Variants in RNF17 observed in about 807,000 individuals in gnomAD.
The protein encoded by RNF17 is ring finger protein 17, also known as spermatogenesis associated 23.
In RNF17, 31 loss-of-function variants were observed where a neutral mutation model predicts 200.5. The observed-to-expected ratio is 0.15, with a 90% CI of 0.12 to 0.21. RNF17 has a LOEUF of 0.21. RNF17 is among the 10% of genes least tolerant of loss of function. The pLI is 1.00. For synonymous variants in RNF17, 606 were observed against 637.8 expected, an observed-to-expected ratio of 0.95 and a Z score of 0.75; for missense variants, 1,628 against 1,905.1, an observed-to-expected ratio of 0.85 and a Z score of 2.71.
At chr13:24,826,156 T>C (rs1001858483) in intron 16 of RNF17, 1 of 913,596 alleles carries the variant, frequency 1.1e-6, no homozygotes, top group East Asian at 1.2e-4. Context: ...TTTTAATATA[T>C]TCTTCTTTCC....
At chr13:24,854,418 C>T (rs1325929028) in intron 25 of RNF17, among the ~76,000 whole-genome samples, 1 of 151,792 alleles carries the variant, frequency 6.6e-6, no homozygotes, top group Non-Finnish European at 1.5e-5. Context: ...TCCATTTCCA[C>T]TACTATGGCA....
In RNF17 at chr13:24,877,113, C is replaced by T. The variant is rs1274467403; in HGVS notation, c.4700C>T (p.Pro1567Leu). The part of the protein sequence containing the change: ...DLGETRIPYC[P>L]KWSMEALWAM... ...GGGGAGACAAGAATACCATATTGTC[C>T]CAAATGGAGCATGGAGGCACTGTGG... The change falls in exon 34 of 36, where the codon CCC (proline) becomes CTC (leucine). Residue 1567 changes from proline to leucine, a missense_variant. By Grantham distance (98) the Pro-to-Leu change is moderately conservative. This residue lies in a region of RNF17 where 609 missense variants were observed against 681.9 expected (regional missense o/e 0.89). Coordinates refer to ENST00000255324, the MANE Select transcript of RNF17 (RefSeq NM_031277.3). 5.6e-6 allele frequency: 9 copies of T among 1,613,130 alleles called. No homozygotes were observed. Among genetic ancestry groups the T allele is most frequent in the Non-Finnish European group, 7.6e-6 (9 of 1,179,560 alleles).
At chr13:24,814,636 C>T (rs1449555754) in intron 15 of RNF17, among the ~76,000 whole-genome samples, 2 of 152,186 alleles carry the variant, frequency 1.3e-5, no homozygotes, top group Non-Finnish European at 2.9e-5. Flanking sequence ...TCTTTTCCCC[C>T]ATTGAATGGT....
intron 2 of RNF17, among the ~76,000 whole-genome samples, chr13:24,773,770 A>G (rs75225511): frequency 0.019 from 2,928 of 152,254 alleles, 53 homozygotes; most frequent in Non-Finnish European, 0.027. Flanking sequence ...TAGAGGACAT[A>G]CTTCAGCTTT....
the RNF17 span, among the ~76,000 whole-genome samples, chr13:24,757,611 A>G: frequency 6.6e-6 from 1 of 152,234 alleles, no homozygotes; most frequent in African/African-American, 2.4e-5. Flanking sequence ...GGCATGAGCC[A>G]CTGTGCCTGG....
chr13:24,839,028 G>A (rs144462018), intron 18 of RNF17, among the ~76,000 whole-genome samples: 3,067 of 152,092 alleles, frequency 0.02, 106 homozygotes, highest in African/African-American at 0.07. Flanking sequence ...TACACCAACA[G>A]CGACCAAGTG....
intron 30 of RNF17, among the ~76,000 whole-genome samples, chr13:24,866,906 T>A (rs1179707376): frequency 6.6e-6 from 1 of 152,184 alleles, no homozygotes; most frequent in Non-Finnish European, 1.5e-5. Context: ...AAGGACCCCA[T>A]TTTTTCCATC....
At position 24,781,671 on chromosome 13, in the gene RNF17, A is replaced by T. The variant is rs114444578; in HGVS notation, c.511-173A>T. Among the ~76,000 whole-genome samples, 801 of 152,238 alleles carry T rather than the reference A, an allele frequency of 5.3e-3. 5 individuals are homozygous for T. The highest frequency in any genetic ancestry group is 0.018 in the African/African-American group (738 of 41,546). ...ACAAAAAGATATGGTCTTGCTCACA[A>T]ATAGTAAAACTTAATGTTGAACCTT... On this transcript the variant is annotated intron_variant, in intron 5 of 35. Coordinates refer to ENST00000255324, the MANE Select transcript of RNF17 (RefSeq NM_031277.3).
At chr13:24,844,119 T>C in intron 20 of RNF17, 148 bp downstream of exon 20, 2 of 346,670 alleles carry the variant, frequency 5.8e-6, no homozygotes, top group Non-Finnish European at 1.0e-5. Context: ...AGTATGAAAA[T>C]AGGAAATCTG....
chr13:24,885,521 G>A, the RNF17 span: 1 of 1,228,202 alleles, frequency 8.1e-7, no homozygotes, highest in Admixed American at 1.7e-5. Context: ...TTTTACACGT[G>A]GTTTAGAAAC....
intron 15 of RNF17, among the ~76,000 whole-genome samples, chr13:24,804,724 T>G (rs928663152): frequency 6.6e-6 from 1 of 152,142 alleles, no homozygotes; most frequent in Non-Finnish European, 1.5e-5. Flanking sequence ...TAAAATAAAT[T>G]TTTTTCTAAC....
chr13:24,831,214 G>T (rs935894497), intron 17 of RNF17, among the ~76,000 whole-genome samples: 2 of 152,122 alleles, frequency 1.3e-5, no homozygotes, highest in East Asian at 3.8e-4. Flanking sequence ...GCCGAGGCGG[G>T]GGGATCATGA....
intron 16 of RNF17, among the ~76,000 whole-genome samples, chr13:24,826,964 G>A (rs1888718109): frequency 6.6e-6 from 1 of 152,082 alleles, no homozygotes. Context: ...GGAGGCTGAG[G>A]CAGGAGAATC....
chr13:24,860,409 C>T (rs906046120), intron 26 of RNF17, among the ~76,000 whole-genome samples: 6 of 151,906 alleles, frequency 3.9e-5, no homozygotes, highest in African/African-American at 1.5e-4. Flanking sequence ...TTTTAGTATA[C>T]ACAATGGATT....
chr13:24,838,267 G>A (rs1890223263), intron 18 of RNF17, among the ~76,000 whole-genome samples: 2 of 152,078 alleles, frequency 1.3e-5, no homozygotes, highest in South Asian at 4.1e-4. Flanking sequence ...TCGAAGAATT[G>A]GTACTAATCC....
At chr13:24,887,073 G>A in the RNF17 span, among the ~76,000 whole-genome samples, 12 of 152,056 alleles carry the variant, frequency 7.9e-5, no homozygotes, top group African/African-American at 2.9e-4. Context: ...ACACAGTGCT[G>A]GAATAGCTGG....
At position 24,854,060 on chromosome 13, in the gene RNF17, G is replaced by A. The variant is rs534296900; in HGVS notation, c.3526G>A (p.Ala1176Thr). The A allele has an allele frequency of 3.1e-6, 5 of 1,613,970 alleles. No homozygotes were observed. In the South Asian group the frequency reaches 4.4e-5, roughly 14 times the overall value. ...AACCACTAGAGGGTATAAGCCACCA[G>A]CTATTCCTAACATGAACGTATTTGA... Reference protein sequence around the residue: ...PRTTRGYKPPAIPNMNVFEAT... With the variant: ...PRTTRGYKPPTIPNMNVFEAT... Residue 1176 changes from alanine to threonine, a missense_variant, in exon 25 of 36, where the codon GCT becomes ACT. By Grantham distance (58) the Ala-to-Thr change is moderately conservative. Around this residue, in one of 5 missense-constraint regions of RNF17, gnomAD observed 609 missense variants for 681.9 expected, o/e 0.89. Coordinates refer to ENST00000255324, the MANE Select transcript of RNF17 (RefSeq NM_031277.3).
intron 2 of RNF17, among the ~76,000 whole-genome samples, chr13:24,770,090 A>T (rs902797337): frequency 6.6e-6 from 1 of 152,184 alleles, no homozygotes; most frequent in Non-Finnish European, 1.5e-5. Context: ...CATCCAATCA[A>T]TAGATAATTC....
At chr13:24,764,083 G>A (rs867269596), upstream of RNF17, 7 of 943,718 alleles carry the variant, frequency 7.4e-6, no homozygotes, top group Middle Eastern at 2.4e-3. Flanking sequence ...CTTGGGGGCG[G>A]GCTTTAATCT....
Sources: gnomAD v4.1 joint callset for allele counts (sites outside exome capture counted in the v4.1 genomes callset) on GRCh38, gnomAD v4.1.1 for gene constraint, gnomAD v4.1.1 regional missense constraint, MANE v1.5 for transcripts, NCBI Gene and HGNC (gene_info 2026-07-23, HGNC 2026-07-21) for gene names.